BRSK2: variants seen among roughly 807,000 people sequenced by gnomAD.
BRSK2 encodes BR serine/threonine kinase 2, also known as serine/threonine-protein kinase BRSK2.
Under a neutral mutation model 83.3 loss-of-function variants are expected in BRSK2, and 19 were observed. That is an observed-to-expected ratio of 0.23 (90% CI 0.16 to 0.33). The LOEUF (loss-of-function observed/expected upper bound fraction) is 0.33, where lower values mean the gene tolerates loss of function less well. Ranked by LOEUF, BRSK2 falls within the 10% of genes least tolerant of loss-of-function variation. BRSK2 has a pLI of 1.00. For missense variants in BRSK2, 798 were observed against 1,042.3 expected, an observed-to-expected ratio of 0.77 and a Z score of 3.23; for synonymous variants, 519 against 435.4, an observed-to-expected ratio of 1.19 and a Z score of -2.39.
Position 1,461,216 on chromosome 11 carries a change from G to C in BRSK2, c.*493G>C. On this transcript the variant is annotated 3_prime_UTR_variant, in exon 20 of 20. Transcript: ENST00000528841. ...GGACTCCCGGTCACCTGACCCCTCA[G>C]CAAGAACAGCCTGCCTGGTGGCCTT... The C allele has an allele frequency of 3.1e-6, 2 of 635,512 alleles. No homozygotes were observed. The highest frequency in any genetic ancestry group is 5.2e-6 in the Non-Finnish European group (2 of 384,664). 39.4% of individuals were successfully genotyped at this position (635,512 alleles called of 1,614,324 possible).
chr11:1,445,510 TGCCCCGGAGGAGCCGGCG>T (rs1183064513), intron 10 of BRSK2, 43 bp from the exon 11 acceptor site: 1 of 1,605,818 alleles, frequency 6.2e-7, no homozygotes, highest in Non-Finnish European at 8.5e-7. Flanking sequence ...GTGGGAGCGC[TGCCCCGGAGGAGCCGGCG>T]GCCCCGTGTG....
intron 1 of BRSK2, among the ~76,000 whole-genome samples, chr11:1,404,590 G>A (rs2134068068): frequency 6.6e-6 from 1 of 152,330 alleles, no homozygotes; most frequent in African/African-American, 2.4e-5. Context: ...TGGGAGGGCA[G>A]AGGGGGCGCC....
intron 13 of BRSK2, among the ~76,000 whole-genome samples, chr11:1,450,180 C>T (rs531885209): frequency 2.4e-4 from 37 of 152,040 alleles, no homozygotes; most frequent in South Asian, 2.3e-3. Context: ...ATGTGCCGCG[C>T]GGCTGCCCCC....
intron 8 of BRSK2, among the ~76,000 whole-genome samples, chr11:1,444,718 C>T (rs1248478420): frequency 6.6e-6 from 1 of 151,804 alleles, no homozygotes; most frequent in Non-Finnish European, 1.5e-5. Flanking sequence ...ACTCCAGCTC[C>T]CCCGACTTCT....
chr11:1,448,718 A>C (rs954681775), intron 12 of BRSK2, among the ~76,000 whole-genome samples: 23 of 152,218 alleles, frequency 1.5e-4, no homozygotes, highest in African/African-American at 5.1e-4. Context: ...CCTGGGTGTC[A>C]TCCTGGCCCA....
chr11:1,458,420 A>G (rs1031521302), intron 18 of BRSK2, among the ~76,000 whole-genome samples: 6 of 151,898 alleles, frequency 4.0e-5, no homozygotes, highest in Admixed American at 3.9e-4. Flanking sequence ...AGCCCAGCCT[A>G]TCCCCGTGAT....
Position 1,460,554 on chromosome 11 carries a change from A to G in BRSK2, c.2042A>G (p.Lys681Arg). Residue 681 changes from lysine to arginine, a missense_variant, in exon 20 of 20, where the codon AAG (lysine) becomes AGG (arginine). Lys to Arg is a conservative substitution (Grantham distance 26). This residue lies in a region of BRSK2 where 455 missense variants were observed against 455.2 expected (regional missense o/e 1.00). Transcript: ENST00000528841. The part of the protein sequence containing the change: ...DVIKQLFSDE[K>R]NGQAAQAPST... Reference sequence around the variant, plus strand: ...ATTAAACAACTTTTTTCAGACGAGAAGAACGGGCAGGCGGCCCAGGCCCCC... The same window carrying G: ...ATTAAACAACTTTTTTCAGACGAGAGGAACGGGCAGGCGGCCCAGGCCCCC... 6.5e-7 allele frequency: 1 copy of G among 1,531,408 alleles called. No individual in the cohort carries two copies. Among genetic ancestry groups the G allele is most frequent in the Non-Finnish European group, 8.7e-7 (1 of 1,144,732 alleles). The allele number at this position is 1,531,408 out of a possible 1,614,324, so 94.9% of individuals were successfully genotyped here. A position where few individuals can be genotyped will look rare whatever the true frequency, so the allele number is the denominator to read the frequency against.
intron 1 of BRSK2, among the ~76,000 whole-genome samples, chr11:1,416,064 G>A (rs1848068853): frequency 6.6e-6 from 1 of 152,270 alleles, no homozygotes; most frequent in Non-Finnish European, 1.5e-5. Context: ...CTCACCTGGT[G>A]CACGGGGACC....
At position 1,460,784 on chromosome 11, in the gene BRSK2, G is replaced by A. The variant is rs12291300; in HGVS notation, c.*61G>A. 127,849 of 1,403,750 alleles carry A rather than the reference G, an allele frequency of 0.091. 6,214 individuals carry two copies. The highest frequency in any genetic ancestry group is 0.098 in the Non-Finnish European group (106,633 of 1,087,874). 87.0% of individuals were successfully genotyped at this position (1,403,750 alleles called of 1,614,324 possible). A position where few individuals can be genotyped will look rare whatever the true frequency, so the allele number is the denominator to read the frequency against. The stretch of plus-strand genomic sequence containing the variant: ...GCGGCTGCCTCGCCGCCCGCCGCCC[G>A]CCCTGCCCCGAGTGGACCCGCGGCC... On this transcript the variant is annotated 3_prime_UTR_variant, in exon 20 of 20. Coordinates refer to ENST00000528841, the MANE Select transcript of BRSK2 (RefSeq NM_001256627.2).
chr11:1,460,359 G>A, intron 19 of BRSK2, 141 bp from the exon 20 acceptor site: 1 of 996,472 alleles, frequency 1.0e-6, no homozygotes. Flanking sequence ...TCATCTCTGG[G>A]TTCTTTCCCT....
chr11:1,395,827 C>G (rs1023444531), intron 1 of BRSK2, among the ~76,000 whole-genome samples: 5 of 152,194 alleles, frequency 3.3e-5, no homozygotes, highest in African/African-American at 1.2e-4. Flanking sequence ...CCAGCTGTGC[C>G]AGGGAGGGCT....
intron 16 of BRSK2, 27 bp from the exon 17 acceptor site, chr11:1,456,321 C>A (rs1195998288): frequency 6.5e-7 from 1 of 1,527,722 alleles, no homozygotes; most frequent in African/African-American, 1.4e-5. Flanking sequence ...CCAGGCCAGC[C>A]ACGCTCACGC....
chr11:1,440,765 A>G (rs1199218566), intron 3 of BRSK2, 23 bp from the exon 4 acceptor site: 2 of 1,551,856 alleles, frequency 1.3e-6, no homozygotes, highest in Non-Finnish European at 1.7e-6. Context: ...AGCTGGGCGC[A>G]CTGGTGGCCC....
At chr11:1,403,502 G>A (rs897124221) in intron 1 of BRSK2, among the ~76,000 whole-genome samples, 1 of 152,228 alleles carries the variant, frequency 6.6e-6, no homozygotes, top group Non-Finnish European at 1.5e-5. Flanking sequence ...AGGAGGCCAC[G>A]AAACCCGCAG....
chr11:1,436,327 C>T (rs1418679702), intron 2 of BRSK2, among the ~76,000 whole-genome samples, 193 bp downstream of exon 2: 1 of 152,132 alleles, frequency 6.6e-6, no homozygotes, highest in Non-Finnish European at 1.5e-5. Context: ...TCCCTCCAGC[C>T]CTGCCCACCT....
Position 1,450,699 on chromosome 11 carries a change from G to A in BRSK2, c.1400G>A (p.Ser467Asn). Residue 467 changes from serine to asparagine, a missense_variant, in exon 14 of 20, where the codon AGC (serine) becomes AAC (asparagine). By Grantham distance (46) the Ser-to-Asn change is conservative (BLOSUM62 1). Around this residue, in one of 6 missense-constraint regions of BRSK2, gnomAD observed 455 missense variants for 455.2 expected, o/e 1.00. Transcript: ENST00000528841. ...AGTPNPTPPS[S>N]PSVGGVPWRA... ...ACGCCCAACCCCACGCCCCCGTCCAGCCCCAGCGTCGGAGGGGTGCCCTGG... is the reference window on the plus strand; with the variant it reads ...ACGCCCAACCCCACGCCCCCGTCCAACCCCAGCGTCGGAGGGGTGCCCTGG... 1 of 1,608,430 alleles carries A rather than the reference G, an allele frequency of 6.2e-7. No homozygotes were observed.
chr11:1,443,894 G>A (rs768026442), intron 8 of BRSK2, among the ~76,000 whole-genome samples: 9 of 152,148 alleles, frequency 5.9e-5, no homozygotes, highest in Non-Finnish European at 1.3e-4. Context: ...GTGCCCAGGC[G>A]TGTGTGGGCT....
intron 1 of BRSK2, among the ~76,000 whole-genome samples, chr11:1,426,457 G>A (rs571109744): frequency 1.0e-3 from 158 of 152,246 alleles, no homozygotes; most frequent in African/African-American, 3.5e-3. Flanking sequence ...AGAGCACGCC[G>A]GGGAGGACAC....
At chr11:1,451,111 AG>A (rs1386960162) in intron 14 of BRSK2, among the ~76,000 whole-genome samples, 1 of 152,230 alleles carries the variant, frequency 6.6e-6, no homozygotes, top group Non-Finnish European at 1.5e-5. Flanking sequence ...TGGGGCACCA[AG>A]GGCCAGCCAG....
Sources: allele counts gnomAD v4.1 joint callset (sites outside exome capture counted in the v4.1 genomes callset), GRCh38; gene constraint gnomAD v4.1.1; regional missense constraint gnomAD v4.1.1; transcripts MANE v1.5; gene names NCBI Gene and HGNC (gene_info 2026-07-23, HGNC 2026-07-21).